Variants in DIP2B observed in about 807,000 individuals in gnomAD.
DIP2B encodes the protein disco-interacting protein 2 homolog B.
Under a neutral mutation model 198.0 loss-of-function variants are expected in DIP2B, and 76 were observed. That is an observed-to-expected ratio of 0.38 (90% CI 0.32 to 0.46). DIP2B has a LOEUF of 0.46. DIP2B is among the 20% of genes least tolerant of loss of function. DIP2B has a pLI of 0.99. For synonymous variants in DIP2B, 701 were observed against 739.1 expected, an observed-to-expected ratio of 0.95 and a Z score of 0.84; for missense variants, 1,559 against 1,978.4, an observed-to-expected ratio of 0.79 and a Z score of 4.02.
At position 50,745,184 on chromosome 12, in the gene DIP2B, T is replaced by G. The variant is rs533926859; in HGVS notation, c.*345T>G. ...TCTAAGGGAATTTAATGAATTCACATGAAAGGGGTAGTCTGAGTGACACAG... is the reference window on the plus strand; with the variant it reads ...TCTAAGGGAATTTAATGAATTCACAGGAAAGGGGTAGTCTGAGTGACACAG... On this transcript the variant is annotated 3_prime_UTR_variant, in exon 38 of 38. Coordinates refer to ENST00000301180, the MANE Select transcript of DIP2B (RefSeq NM_173602.3). The G allele has an allele frequency of 1.2e-3, 361 of 295,318 alleles. No individual in the cohort carries two copies. The highest frequency in any genetic ancestry group is 1.7e-3 in the Non-Finnish European group (253 of 151,840). 18.3% of individuals were successfully genotyped at this position (295,318 alleles called of 1,614,324 possible).
chr12:50,610,606 C>T lies in DIP2B; in HGVS notation c.101-15370C>T, dbSNP rs1025764455. 4.0e-5 allele frequency among the ~76,000 whole-genome samples: 6 copies of T among 151,178 alleles called. No individual in the cohort carries two copies. In the East Asian group the frequency reaches 5.9e-4, roughly 15 times the overall value. On this transcript the variant is annotated intron_variant, in intron 1 of 37. Transcript: ENST00000301180. ...CTGCAAGCTCCACCTCCCGGGTTCA[C>T]GCCATTCTCCTACCTCAGCCTCCCC...
intron 13 of DIP2B, 70 bp from the exon 14 acceptor site, chr12:50,692,879 G>C: frequency 7.7e-7 from 1 of 1,298,126 alleles, no homozygotes; most frequent in Non-Finnish European, 1.1e-6. Flanking sequence ...GTTTATAAGA[G>C]GCAAGTGACA....
chr12:50,580,363 C>T (rs987678932), intron 1 of DIP2B, among the ~76,000 whole-genome samples: 1 of 148,662 alleles, frequency 6.7e-6, no homozygotes, highest in Non-Finnish European at 1.5e-5. Context: ...AGAGATTTTT[C>T]CTTATGAGTA....
chr12:50,577,157 C>A (rs1251275347), intron 1 of DIP2B, among the ~76,000 whole-genome samples: 4 of 152,136 alleles, frequency 2.6e-5, no homozygotes, highest in Non-Finnish European at 5.9e-5. Context: ...GGTTTTCCAA[C>A]TTTACACTCT....
Position 50,745,168 on chromosome 12 carries a change from A to T in DIP2B, c.*329A>T. 1 of 302,456 alleles carries T rather than the reference A, an allele frequency of 3.3e-6. No individual in the cohort carries two copies. The highest frequency in any genetic ancestry group is 2.2e-5 in the African/African-American group (1 of 46,340). 18.7% of individuals were successfully genotyped at this position (302,456 alleles called of 1,614,324 possible). The stretch of plus-strand genomic sequence containing the variant: ...TGCCATTTTAGAATTTTCTAAGGGA[A>T]TTTAATGAATTCACATGAAAGGGGT... On this transcript the variant is annotated 3_prime_UTR_variant, in exon 38 of 38. Transcript: ENST00000301180.
intron 1 of DIP2B, among the ~76,000 whole-genome samples, chr12:50,566,249 A>T (rs987556860): frequency 6.6e-6 from 1 of 152,120 alleles, no homozygotes; most frequent in Non-Finnish European, 1.5e-5. Flanking sequence ...CATGTTGCCC[A>T]GGCTGGCCTT....
intron 1 of DIP2B, among the ~76,000 whole-genome samples, chr12:50,517,010 G>A (rs1392765920): frequency 4.0e-5 from 6 of 151,652 alleles, no homozygotes; most frequent in Non-Finnish European, 7.4e-5. Context: ...TCCGCCTCCC[G>A]GGTTCACGCC....
intron 21 of DIP2B, 139 bp downstream of exon 21, chr12:50,706,804 T>A (rs2139568124): frequency 4.1e-6 from 3 of 739,630 alleles, no homozygotes; most frequent in Middle Eastern, 7.7e-4. Flanking sequence ...TAAGCCTGGC[T>A]TTTTTTTTTC....
chr12:50,603,570 G>A (rs961977319), intron 1 of DIP2B, among the ~76,000 whole-genome samples: 9 of 151,952 alleles, frequency 5.9e-5, no homozygotes, highest in African/African-American at 9.7e-5. Context: ...GAAATCCTAC[G>A]TCTCCAAAAA....
At chr12:50,512,120 T>TA (rs1319482216) in intron 1 of DIP2B, among the ~76,000 whole-genome samples, 1 of 148,708 alleles carries the variant, frequency 6.7e-6, no homozygotes, top group Non-Finnish European at 1.5e-5. Flanking sequence ...TTTTTTTTTT[T>TA]TTTTGAGATA....
chr12:50,714,344 C>A, intron 22 of DIP2B, 51 bp from the exon 23 acceptor site: 1 of 1,602,092 alleles, frequency 6.2e-7, no homozygotes, highest in South Asian at 1.1e-5. Flanking sequence ...AGGAATATGT[C>A]AAATGTAATA....
At chr12:50,559,673 T>C (rs1282635008) in intron 1 of DIP2B, among the ~76,000 whole-genome samples, 3 of 148,734 alleles carry the variant, frequency 2.0e-5, no homozygotes, top group Non-Finnish European at 4.4e-5. Context: ...GTTGAGGCTG[T>C]AGTGCACCAC....
chr12:50,724,993 C>A, intron 28 of DIP2B, 107 bp downstream of exon 28: 1 of 1,122,690 alleles, frequency 8.9e-7, no homozygotes, highest in Non-Finnish European at 1.3e-6. Flanking sequence ...ATGTCTTCTG[C>A]CTGCTAAGAC....
chr12:50,622,568 A>C (rs1057055393), intron 1 of DIP2B, among the ~76,000 whole-genome samples: 4 of 152,242 alleles, frequency 2.6e-5, no homozygotes, highest in Non-Finnish European at 4.4e-5. Flanking sequence ...ACACTTTTCC[A>C]GTGCATACAC....
At chr12:50,597,589 G>T (rs1276535976) in intron 1 of DIP2B, among the ~76,000 whole-genome samples, 1 of 152,190 alleles carries the variant, frequency 6.6e-6, no homozygotes, top group East Asian at 1.9e-4. Context: ...TGGGATGCGT[G>T]TTGTCTGATG....
chr12:50,539,728 C>G (rs1170925270), intron 1 of DIP2B, among the ~76,000 whole-genome samples: 1 of 152,056 alleles, frequency 6.6e-6, no homozygotes, highest in South Asian at 2.1e-4. Context: ...CTGAAGGCCC[C>G]GTGGGCCTCT....
At chr12:50,623,616 C>T (rs992570562) in intron 1 of DIP2B, among the ~76,000 whole-genome samples, 2 of 151,920 alleles carry the variant, frequency 1.3e-5, no homozygotes, top group African/African-American at 4.8e-5. Flanking sequence ...TATATGCAAA[C>T]ATACCTATTA....
chr12:50,742,518 CCTT>C (rs1336402159), intron 37 of DIP2B, among the ~76,000 whole-genome samples: 1 of 151,350 alleles, frequency 6.6e-6, no homozygotes, highest in Non-Finnish European at 1.5e-5. Context: ...GTGAATATGT[CCTT>C]CTTCACCACT....
chr12:50,552,091 G>A (rs1325304946), intron 1 of DIP2B, among the ~76,000 whole-genome samples: 1 of 152,084 alleles, frequency 6.6e-6, no homozygotes, highest in African/African-American at 2.4e-5. Flanking sequence ...TTTTAAAATA[G>A]ATATCCTAAT....
Sources: gnomAD v4.1 joint callset for allele counts (sites outside exome capture counted in the v4.1 genomes callset) on GRCh38, gnomAD v4.1.1 for gene constraint, MANE v1.5 for transcripts, NCBI Gene and HGNC (gene_info 2026-07-23, HGNC 2026-07-21) for gene names.